The following MAP4 variants were observed in gnomAD, a reference collection of about 807,000 sequenced individuals.
MAP4 encodes microtubule associated protein 4.
A neutral mutation model predicts 170.2 loss-of-function variants in MAP4; 76 were observed. The ratio of observed to expected loss-of-function variants is 0.45; its 90% CI spans 0.37 to 0.54. The LOEUF (loss-of-function observed/expected upper bound fraction) is 0.54, where lower values mean the gene tolerates loss of function less well. Ranked by LOEUF, MAP4 falls within the 20% of genes least tolerant of loss-of-function variation. MAP4 has a pLI of 0.00. For synonymous variants in MAP4, 909 were observed against 994.5 expected, an observed-to-expected ratio of 0.91 and a Z score of 1.62; for missense variants, 2,506 against 2,748.0, an observed-to-expected ratio of 0.91 and a Z score of 1.97.
Position 47,910,722 on chromosome 3 carries a change from C to G in MAP4, c.3699G>C (p.Glu1233Asp). The G allele has an allele frequency of 6.5e-7, 1 of 1,536,110 alleles. No homozygotes were observed. Residue 1233 changes from glutamate to aspartate, a missense_variant, in exon 9 of 21, where the codon GAG becomes GAC. Around this residue, in one of 3 missense-constraint regions of MAP4, gnomAD observed 2,008 missense variants for 2,206.0 expected, o/e 0.91. Transcript: ENST00000683076. ...GTGGGTTAAGGATTTCTTCCTTCCTCTCCATTCTAGCAGGCTGTGTGGAAT... is the reference window on the plus strand; with the variant it reads ...GTGGGTTAAGGATTTCTTCCTTCCTGTCCATTCTAGCAGGCTGTGTGGAAT... ...NNYSTQPARM[E>D]RKEEILNPPF...
chr3:48,052,139 T>C (rs1216802033), intron 1 of MAP4, among the ~76,000 whole-genome samples: 4 of 152,206 alleles, frequency 2.6e-5, no homozygotes, highest in Non-Finnish European at 5.9e-5. Flanking sequence ...CTGAGAGCCA[T>C]ACACCATAAA....
Position 48,012,286 on chromosome 3 carries a change from G to A in MAP4, c.-20+4048C>T, listed in dbSNP as rs552498449. ...TCTTTTTGCTAAGAGCTTTCCTTTCGATTAATAGATTCTACTCCACTCACT... is the reference window on the plus strand; with the variant it reads ...TCTTTTTGCTAAGAGCTTTCCTTTCAATTAATAGATTCTACTCCACTCACT... On this transcript the variant is annotated intron_variant, in intron 1 of 20. Transcript: ENST00000683076. Among the ~76,000 whole-genome samples, 9 of 152,110 alleles carry A rather than the reference G, an allele frequency of 5.9e-5. 1 individual carries two copies. Among genetic ancestry groups the A allele is most frequent in the South Asian group, 4.2e-4 (2 of 4,802 alleles).
chr3:48,061,243 G>A (rs893141956), intron 1 of MAP4, among the ~76,000 whole-genome samples: 3 of 149,772 alleles, frequency 2.0e-5, no homozygotes, highest in Non-Finnish European at 4.4e-5. Flanking sequence ...CTGATGCCGA[G>A]CCGAAGCTGG....
rs766744412 is a variant in MAP4, at chr3:47,914,943, A to G, written c.1877-4T>C. 6.2e-7 allele frequency: 1 copy of G among 1,614,016 alleles called. No individual in the cohort carries two copies. On this transcript the variant is annotated splice_region_variant and splice_polypyrimidine_tract_variant and intron_variant, in intron 7 of 20. Coordinates refer to ENST00000683076, the MANE Select transcript of MAP4 (RefSeq NM_001385682.1). The stretch of plus-strand genomic sequence containing the variant: ...TTCCCCGTTCCTGTGACGGTTTCTA[A>G]AGGTAATAACAAAAGCCACACACGT...
chr3:47,858,185 G>GTCCTT (rs2059747352), intron 17 of MAP4, among the ~76,000 whole-genome samples: 1 of 151,692 alleles, frequency 6.6e-6, no homozygotes, highest in Non-Finnish European at 1.5e-5. Context: ...AGCTAATTTT[G>GTCCTT]TATTTTTAGT....
intron 10 of MAP4, among the ~76,000 whole-genome samples, chr3:47,879,614 TTG>T (rs151310580): frequency 1.1e-4 from 16 of 151,568 alleles, no homozygotes; most frequent in East Asian, 3.9e-4. Context: ...ATGCACTCAT[TTG>T]TGTGTGTGTG....
intron 15 of MAP4, 127 bp downstream of exon 15, chr3:47,870,686 A>C: frequency 1.0e-6 from 1 of 1,001,828 alleles, no homozygotes; most frequent in Non-Finnish European, 1.4e-6. Flanking sequence ...GCCCCGGCTG[A>C]AATACCCTGA....
intron 1 of MAP4, among the ~76,000 whole-genome samples, chr3:48,043,004 G>A (rs1005791774): frequency 6.6e-6 from 1 of 152,108 alleles, no homozygotes; most frequent in African/African-American, 2.4e-5. Context: ...AAGAACATGG[G>A]ATTTCTTTTG....
intron 1 of MAP4, among the ~76,000 whole-genome samples, chr3:48,001,755 C>G (rs2100099275): frequency 6.6e-6 from 1 of 152,210 alleles, no homozygotes; most frequent in Non-Finnish European, 1.5e-5. Flanking sequence ...CCCACCTCGG[C>G]CTCCCAAAGT....
chr3:47,914,669 A>G (rs1317602315), intron 8 of MAP4, 148 bp downstream of exon 8: 2 of 894,082 alleles, frequency 2.2e-6, no homozygotes, highest in Admixed American at 2.5e-5. Flanking sequence ...TTCTGTCTAA[A>G]CCAGATAAAA....
chr3:48,032,025 T>C (rs572315613), intron 1 of MAP4, among the ~76,000 whole-genome samples: 19 of 152,048 alleles, frequency 1.2e-4, no homozygotes, highest in Non-Finnish European at 2.4e-4. Flanking sequence ...TGTCTAATCA[T>C]GAGAAAAAGA....
rs1015278995 is a variant in MAP4, at chr3:48,013,776, C to T, written c.-20+2558G>A. 2.6e-5 allele frequency among the ~76,000 whole-genome samples: 4 copies of T among 151,782 alleles called. No homozygotes were observed. In the East Asian group the frequency reaches 7.7e-4, roughly 29 times the overall value. On this transcript the variant is annotated intron_variant, in intron 1 of 20. Coordinates refer to ENST00000683076, the MANE Select transcript of MAP4 (RefSeq NM_001385682.1). ...AAACAAATTCACCACTGCATGGTGC[C>T]CTGCTTGAGCCAATCTGACTGGAGC...
chr3:47,860,984 A>G (rs1183346071), intron 17 of MAP4, among the ~76,000 whole-genome samples: 1 of 152,124 alleles, frequency 6.6e-6, no homozygotes. Flanking sequence ...GCACTTTGGG[A>G]GGGCTGACGC....
intron 2 of MAP4, 50 bp downstream of exon 2, chr3:47,998,588 C>G: frequency 2.8e-6 from 4 of 1,437,048 alleles, no homozygotes; most frequent in Non-Finnish European, 3.9e-6. Flanking sequence ...AAGGCATAAT[C>G]CCTAACCTGC....
At chr3:48,030,516 T>C (rs1287847726) in intron 1 of MAP4, among the ~76,000 whole-genome samples, 6 of 150,380 alleles carry the variant, frequency 4.0e-5, no homozygotes, top group Non-Finnish European at 8.9e-5. Context: ...AGGGGTAAGT[T>C]GGCCGGACGA....
chr3:47,917,907 G>A (rs563356469), intron 6 of MAP4, among the ~76,000 whole-genome samples: 1 of 152,152 alleles, frequency 6.6e-6, no homozygotes, highest in Non-Finnish European at 1.5e-5. Flanking sequence ...GAGTGCAGTA[G>A]CATGATCTCG....
intron 19 of MAP4, among the ~76,000 whole-genome samples, chr3:47,854,867 C>T (rs902120449): frequency 2.0e-5 from 3 of 151,990 alleles, no homozygotes; most frequent in East Asian, 1.9e-4. Context: ...TGACATGGGG[C>T]GGGAACCCAC....
chr3:47,989,758 T>G (rs929359754), intron 2 of MAP4, among the ~76,000 whole-genome samples: 1 of 152,202 alleles, frequency 6.6e-6, no homozygotes, highest in Non-Finnish European at 1.5e-5. Flanking sequence ...TACTGGACCC[T>G]AATCATACTG....
At chr3:48,039,756 C>G (rs1301091059) in intron 1 of MAP4, among the ~76,000 whole-genome samples, 2 of 152,134 alleles carry the variant, frequency 1.3e-5, no homozygotes, top group African/African-American at 4.8e-5. Flanking sequence ...GATTTAATCT[C>G]AAAAGTCATA....
Sources: gnomAD v4.1 joint callset for allele counts (sites outside exome capture counted in the v4.1 genomes callset) on GRCh38, gnomAD v4.1.1 for gene constraint, gnomAD v4.1.1 regional missense constraint, MANE v1.5 for transcripts, NCBI Gene and HGNC (gene_info 2026-07-23, HGNC 2026-07-21) for gene names.